RXRA: variants seen among roughly 807,000 people sequenced by gnomAD.
RXRA encodes the protein retinoid X receptor alpha.
In RXRA, 5 loss-of-function variants were observed where a neutral mutation model predicts 44.5. The ratio of observed to expected loss-of-function variants is 0.11; its 90% CI spans 0.06 to 0.24. The LOEUF (loss-of-function observed/expected upper bound fraction) is 0.24, where lower values mean the gene tolerates loss of function less well. Among genes scored for constraint, RXRA ranks in the 10% least tolerant of loss-of-function variants. The probability of loss-of-function intolerance (pLI) is 1.00; values close to 1 mark genes in which losing one functional copy is unlikely to be tolerated. For missense variants in RXRA, 412 were observed against 646.5 expected (o/e 0.64, Z 3.93); for synonymous variants, 291 against 271.4 (o/e 1.07, Z -0.71).
At chr9:134,352,894 C>T (rs782549242) in intron 1 of RXRA, among the ~76,000 whole-genome samples, 1 of 152,204 alleles carries the variant, frequency 6.6e-6, no homozygotes, top group Admixed American at 6.5e-5. Flanking sequence ...TCTCCTGCTT[C>T]CTTGGTGTGA....
At chr9:134,392,575 C>T (rs533102751) in intron 1 of RXRA, among the ~76,000 whole-genome samples, 15 of 152,304 alleles carry the variant, frequency 9.8e-5, no homozygotes, top group Admixed American at 2.6e-4. Flanking sequence ...TCCTCCTTGG[C>T]GCTGGCTGGG....
At chr9:134,344,266 G>A (rs1427511503) in intron 1 of RXRA, among the ~76,000 whole-genome samples, 1 of 152,126 alleles carries the variant, frequency 6.6e-6, no homozygotes, top group Non-Finnish European at 1.5e-5. Context: ...AGGCTGTGGT[G>A]TGTCTCCTCC....
chr9:134,368,088 T>G (rs893704034), intron 1 of RXRA, among the ~76,000 whole-genome samples: 1 of 152,208 alleles, frequency 6.6e-6, no homozygotes, highest in Non-Finnish European at 1.5e-5. Flanking sequence ...GCAGCGGGCC[T>G]GGGGCTAGGG....
intron 1 of RXRA, among the ~76,000 whole-genome samples, chr9:134,355,337 A>C (rs1232928014): frequency 1.3e-5 from 2 of 152,236 alleles, no homozygotes; most frequent in Non-Finnish European, 2.9e-5. Flanking sequence ...AGCAAACAGT[A>C]AAAAGCAGCC....
intron 1 of RXRA, among the ~76,000 whole-genome samples, chr9:134,356,036 C>G (rs1039416714): frequency 2.6e-5 from 4 of 152,156 alleles, no homozygotes; most frequent in Non-Finnish European, 5.9e-5. Context: ...GGTGCTTCCA[C>G]GACGCCCTCA....
rs3132293 is a variant in RXRA, at chr9:134,433,976, T to C, written c.1136-126T>C. On this transcript the variant is annotated intron_variant, in intron 8 of 9. Coordinates refer to ENST00000481739, the MANE Select transcript of RXRA (RefSeq NM_002957.6). The surrounding 1 kb of genome is among the most constrained non-coding windows in gnomAD (Gnocchi z 4.2). ...CGGGCGGAGGCATGTCCAGCGGCAT[T>C]CCTCCACCACCTGCTCTGCCCATGG... 501,444 of 652,498 alleles carry C rather than the reference T, an allele frequency of 0.77. 194,362 individuals are homozygous for C. The highest frequency in any genetic ancestry group is 0.95 in the African/African-American group (52,303 of 55,120). 40.4% of individuals were successfully genotyped at this position (652,498 alleles called of 1,614,324 possible). A position where few individuals can be genotyped will look rare whatever the true frequency, so the allele number is the denominator to read the frequency against.
chr9:134,414,588 A>G (rs1831203583), intron 4 of RXRA, among the ~76,000 whole-genome samples: 6 of 152,220 alleles, frequency 3.9e-5, no homozygotes, highest in Admixed American at 2.6e-4. Flanking sequence ...GGGTTGTCGG[A>G]TCCCAGGGCC....
chr9:134,421,820 C>T lies in RXRA; in HGVS notation c.910+15C>T. ...GCTGCGGGCAGGTGAGTGGCGAGGC[C>T]TAGGTGGGGATGGGGATGCCATGCA... On this transcript the variant is annotated intron_variant, in intron 6 of 9. Transcript: ENST00000481739. 6.2e-7 allele frequency: 1 copy of T among 1,612,462 alleles called. No homozygotes were observed. Among genetic ancestry groups the T allele is most frequent in the Non-Finnish European group, 8.5e-7 (1 of 1,179,500 alleles).
chr9:134,421,463 A>G (rs1453865222), intron 5 of RXRA, among the ~76,000 whole-genome samples: 9 of 152,026 alleles, frequency 5.9e-5, no homozygotes, highest in African/African-American at 2.2e-4. Flanking sequence ...TTACCTCCCA[A>G]TATCAGGCCA....
At chr9:134,416,587 C>T (rs1242731384) in intron 4 of RXRA, among the ~76,000 whole-genome samples, 1 of 152,062 alleles carries the variant, frequency 6.6e-6, no homozygotes, top group East Asian at 1.9e-4. Context: ...TTGGGAGGGG[C>T]GTGGGGTCTG....
At chr9:134,416,032 G>T (rs1312891684) in intron 4 of RXRA, among the ~76,000 whole-genome samples, 1 of 152,124 alleles carries the variant, frequency 6.6e-6, no homozygotes, top group Non-Finnish European at 1.5e-5. Flanking sequence ...GAAGGAGGTG[G>T]TGGGGTTGGG....
At position 134,426,186 on chromosome 9, in the gene RXRA, C is replaced by A; in HGVS notation, c.911-2922C>A. ...CCTGCGCTTGGAGCCTGGAGTAAGA[C>A]CTGGTATCCTCTGCATCACTGAGGT... On this transcript the variant is annotated intron_variant, in intron 6 of 9. Transcript: ENST00000481739. The surrounding 1 kb of genome is among the most constrained non-coding windows in gnomAD (Gnocchi z 4.6). The A allele has an allele frequency of 1.0e-6, 1 of 985,390 alleles. No individual in the cohort carries two copies. Among genetic ancestry groups the A allele is most frequent in the Non-Finnish European group, 1.2e-6 (1 of 829,922 alleles). 61.0% of individuals were successfully genotyped at this position (985,390 alleles called of 1,614,324 possible).
chr9:134,332,356 C>T (rs940580311), intron 1 of RXRA, among the ~76,000 whole-genome samples: 1 of 152,212 alleles, frequency 6.6e-6, no homozygotes, highest in East Asian at 1.9e-4. Context: ...TAACCCAGCA[C>T]ACGCGGCCCA....
intron 1 of RXRA, among the ~76,000 whole-genome samples, chr9:134,352,276 C>T (rs572710983): frequency 5.3e-5 from 8 of 151,794 alleles, no homozygotes; most frequent in East Asian, 2.0e-4. Flanking sequence ...GCTTGGAGGG[C>T]GAGGGGAGGG....
chr9:134,401,006 G>A (rs1830950473), intron 1 of RXRA, among the ~76,000 whole-genome samples: 1 of 152,222 alleles, frequency 6.6e-6, no homozygotes, highest in African/African-American at 2.4e-5. Flanking sequence ...CCACAGACAT[G>A]GGAGTGGGTC....
intron 1 of RXRA, among the ~76,000 whole-genome samples, chr9:134,362,649 A>G (rs1830365994): frequency 6.6e-6 from 1 of 152,164 alleles, no homozygotes; most frequent in Admixed American, 6.5e-5. Context: ...CACGGGGCTG[A>G]CGGTTAAGTC....
At chr9:134,375,972 C>T (rs984051572) in intron 1 of RXRA, among the ~76,000 whole-genome samples, 1 of 148,854 alleles carries the variant, frequency 6.7e-6, no homozygotes, top group South Asian at 2.2e-4. Context: ...CTGCTTCCCC[C>T]CCACCCCACC....
chr9:134,344,467 C>T (rs1388226959), intron 1 of RXRA, among the ~76,000 whole-genome samples: 2 of 152,184 alleles, frequency 1.3e-5, no homozygotes, highest in African/African-American at 4.8e-5. Flanking sequence ...ACAAAAGCCC[C>T]AACCCTGGGC....
chr9:134,389,648 C>T (rs2119118735), intron 1 of RXRA, among the ~76,000 whole-genome samples: 1 of 152,264 alleles, frequency 6.6e-6, no homozygotes, highest in East Asian at 1.9e-4. Flanking sequence ...AGAGGGTGTG[C>T]TGAGCTGGCC....
Sources: allele counts gnomAD v4.1 joint callset (sites outside exome capture counted in the v4.1 genomes callset), GRCh38; gene constraint gnomAD v4.1.1; non-coding constraint Gnocchi (gnomAD v3.1); transcripts MANE v1.5; gene names NCBI Gene and HGNC (gene_info 2026-07-23, HGNC 2026-07-21).